PCDHGA12: variants seen among roughly 807,000 people sequenced by gnomAD.
PCDHGA12 encodes the protein protocadherin gamma subfamily A, 12.
Under a neutral mutation model 61.1 loss-of-function variants are expected in PCDHGA12, and 43 were observed. The observed-to-expected ratio is 0.70, with a 90% CI of 0.55 to 0.91. PCDHGA12 has a LOEUF of 0.91. Ranked by LOEUF, PCDHGA12 falls within the 40% of genes least tolerant of loss-of-function variation. PCDHGA12 has a pLI of 0.00. For missense variants in PCDHGA12, 1,236 were observed against 1,227.7 expected, an observed-to-expected ratio of 1.01 and a Z score of -0.10; for synonymous variants, 520 against 542.9, an observed-to-expected ratio of 0.96 and a Z score of 0.59.
chr5:141,439,042 A>C (rs2098084096), intron 1 of PCDHGA12, among the ~76,000 whole-genome samples: 1 of 151,642 alleles, frequency 6.6e-6, no homozygotes, highest in Non-Finnish European at 1.5e-5. Context: ...TCAGTTCATA[A>C]GATTTCCATA....
chr5:141,440,103 A>G (rs1391819927), intron 1 of PCDHGA12: 1 of 152,222 alleles, frequency 6.6e-6, no homozygotes, highest in Non-Finnish European at 1.5e-5. Flanking sequence ...GAAAGTGGAG[A>G]CTTACTTGTG....
At chr5:141,465,141 A>AT (rs1341872532) in intron 1 of PCDHGA12, among the ~76,000 whole-genome samples, 2 of 151,678 alleles carry the variant, frequency 1.3e-5, no homozygotes, top group Non-Finnish European at 2.9e-5. Flanking sequence ...AGTTTAGGGG[A>AT]TATATGAAGG....
At chr5:141,466,938 G>C (rs985959499) in intron 1 of PCDHGA12, among the ~76,000 whole-genome samples, 1 of 151,854 alleles carries the variant, frequency 6.6e-6, no homozygotes, top group Non-Finnish European at 1.5e-5. Context: ...TTAGTCCTTT[G>C]TCCAGTAAAC....
intron 1 of PCDHGA12, among the ~76,000 whole-genome samples, chr5:141,459,563 C>CAAAACAGAATT (rs1554142058): frequency 5.3e-5 from 8 of 152,044 alleles, no homozygotes; most frequent in Non-Finnish European, 2.9e-5. Context: ...ATAAATACCC[C>CAAAACAGAATT]AAAACAGAAT....
chr5:141,496,377 G>A (rs1413938730), intron 2 of PCDHGA12, among the ~76,000 whole-genome samples: 1 of 152,114 alleles, frequency 6.6e-6, no homozygotes, highest in Non-Finnish European at 1.5e-5. Flanking sequence ...CAGGAGCTTG[G>A]GCCACCTTAC....
At chr5:141,499,212 G>A (rs904920940) in intron 2 of PCDHGA12, among the ~76,000 whole-genome samples, 1 of 151,898 alleles carries the variant, frequency 6.6e-6, no homozygotes, top group African/African-American at 2.4e-5. Context: ...TGTAACCCAG[G>A]CCCTGCCCTG....
Position 141,485,156 on chromosome 5 carries a change from A to G in PCDHGA12, c.2425-9651A>G. The G allele has an allele frequency of 6.3e-7, 1 of 1,599,118 alleles. No homozygotes were observed. The highest frequency in any genetic ancestry group is 8.6e-7 in the Non-Finnish European group (1 of 1,168,318). On this transcript the variant is annotated intron_variant, in intron 1 of 3. Transcript: ENST00000252085. The surrounding 1 kb of genome is among the most constrained non-coding windows in gnomAD (Gnocchi z 5.7). ...ATCCGCGTCTCAGGAGCAAGTAGAG[A>G]ATTAGCGGGCGGCAGCAATGCTCCG... is the stretch of plus-strand genomic sequence containing the variant.
intron 1 of PCDHGA12, among the ~76,000 whole-genome samples, chr5:141,472,590 C>G (rs1161871973): frequency 6.6e-6 from 1 of 151,908 alleles, no homozygotes; most frequent in African/African-American, 2.4e-5. Flanking sequence ...GTCAGAAGCT[C>G]TCTTGAAATT....
Position 141,489,361 on chromosome 5 carries a change from C to A in PCDHGA12, c.2425-5446C>A. ...TTACTCAGTGGTGGAGGAGTCTGAG[C>A]CGGGGACGCTGGTGGGGAATGTTGC... On this transcript the variant is annotated intron_variant, in intron 1 of 3. Transcript: ENST00000252085. This position sits in a 1 kb window ranked among gnomAD's most constrained non-coding sequence, Gnocchi z 4.5. 1 of 1,612,880 alleles carries A rather than the reference C, an allele frequency of 6.2e-7. No individual in the cohort carries two copies. The highest frequency in any genetic ancestry group is 8.5e-7 in the Non-Finnish European group (1 of 1,179,164).
chr5:141,481,868 C>A (rs983373194), intron 1 of PCDHGA12, among the ~76,000 whole-genome samples: 4 of 147,412 alleles, frequency 2.7e-5, no homozygotes, highest in African/African-American at 1.0e-4. Flanking sequence ...GAGCCGAGAT[C>A]GCGCCACTGC....
intron 1 of PCDHGA12, among the ~76,000 whole-genome samples, chr5:141,443,070 T>C (rs983773796): frequency 6.6e-6 from 1 of 152,244 alleles, no homozygotes; most frequent in African/African-American, 2.4e-5. Flanking sequence ...GAGCGTCTTA[T>C]GACTGAGTGT....
In PCDHGA12 at chr5:141,491,492, T is replaced by G. The variant is rs763487622; in HGVS notation, c.2425-3315T>G. On this transcript the variant is annotated intron_variant, in intron 1 of 3. Coordinates refer to ENST00000252085, the MANE Select transcript of PCDHGA12 (RefSeq NM_003735.3). This position sits in a 1 kb window ranked among gnomAD's most constrained non-coding sequence, Gnocchi z 6.9. ...AAGCAGTCCAGCCCCAACCTGCAGG[T>G]GAGCTCGGACGGCACGCTCAAGTAC... 3.1e-6 allele frequency: 5 copies of G among 1,614,024 alleles called. No homozygotes were observed. The highest frequency in any genetic ancestry group is 3.4e-6 in the Non-Finnish European group (4 of 1,180,006).
chr5:141,447,481 A>G lies in PCDHGA12; in HGVS notation c.2424+14298A>G, dbSNP rs141192758. 3.9e-3 allele frequency among the ~76,000 whole-genome samples: 591 copies of G among 152,326 alleles called. 6 individuals carry two copies. The highest frequency in any genetic ancestry group is 0.011 in the Admixed American group (170 of 15,286). ...TTTTCTTCACCATCTGTAAAACTGC[A>G]TAGAAGGAATGTTTAGGATAAAAGA... On this transcript the variant is annotated intron_variant, in intron 1 of 3. Transcript: ENST00000252085.
At chr5:141,459,714 T>C (rs1240430980) in intron 1 of PCDHGA12, among the ~76,000 whole-genome samples, 4 of 152,244 alleles carry the variant, frequency 2.6e-5, no homozygotes, top group Admixed American at 6.5e-5. Flanking sequence ...TTCTCACCAA[T>C]GCTTCCTATT....
At position 141,477,626 on chromosome 5, in the gene PCDHGA12, G is replaced by A. The variant is rs201987467; in HGVS notation, c.2425-17181G>A. The A allele has an allele frequency of 1.9e-5, 31 of 1,614,052 alleles. No individual in the cohort carries two copies. The highest frequency in any genetic ancestry group is 2.5e-5 in the Non-Finnish European group (30 of 1,180,044). Reference sequence around the variant, plus strand: ...TCTCTTGGAGCAAGGAGCTGAAACCGGGCTAGTGGGTCGCTATTTCACAAT... The same window carrying A: ...TCTCTTGGAGCAAGGAGCTGAAACCAGGCTAGTGGGTCGCTATTTCACAAT... On this transcript the variant is annotated intron_variant, in intron 1 of 3. Transcript: ENST00000252085. This position sits in a 1 kb window ranked among gnomAD's most constrained non-coding sequence, Gnocchi z 4.9.
rs1290674122 is a variant in PCDHGA12 at position 141,489,521 on chromosome 5, G to A, written c.2425-5286G>A. 3 of 1,613,988 alleles carry A rather than the reference G, an allele frequency of 1.9e-6. No individual in the cohort carries two copies. The highest frequency in any genetic ancestry group is 2.2e-5 in the East Asian group (1 of 44,886). On this transcript the variant is annotated intron_variant, in intron 1 of 3. Coordinates refer to ENST00000252085, the MANE Select transcript of PCDHGA12 (RefSeq NM_003735.3). This position sits in a 1 kb window ranked among gnomAD's most constrained non-coding sequence, Gnocchi z 4.5. ...GTGAATCAAAAGATTGACCGAGAAAGCCTATGTGGAGCCAGCACCAGCTGC... is the reference window on the plus strand; with the variant it reads ...GTGAATCAAAAGATTGACCGAGAAAACCTATGTGGAGCCAGCACCAGCTGC...
Position 141,491,415 on chromosome 5 carries a change from G to GGGT in PCDHGA12, c.2425-3389_2425-3387dup. 1 of 1,614,126 alleles carries GGGT rather than the reference G, an allele frequency of 6.2e-7. No individual in the cohort carries two copies. Among genetic ancestry groups the GGGT allele is most frequent in the Non-Finnish European group, 8.5e-7 (1 of 1,180,034 alleles). ...TTCAGGGAAACGCAGACGGGGACGG[G>GGGT]GGTGGAGGGCAGTGCTGCAGGCGCC... On this transcript the variant is annotated intron_variant, in intron 1 of 3. Transcript: ENST00000252085. The surrounding 1 kb of genome is among the most constrained non-coding windows in gnomAD (Gnocchi z 6.9).
At position 141,430,753 on chromosome 5, in the gene PCDHGA12, G is replaced by C. The variant is rs1175014357; in HGVS notation, c.-7G>C. ...AGAATTGAAAATAATTCTGGAGGAA[G>C]ATAAGAATGATTCCTGCGCGACTGC... On this transcript the variant is annotated 5_prime_UTR_variant, in exon 1 of 4. Transcript: ENST00000252085. 1 of 1,504,258 alleles carries C rather than the reference G, an allele frequency of 6.6e-7. No homozygotes were observed. The allele number at this position is 1,504,258 out of a possible 1,614,324, so 93.2% of individuals were successfully genotyped here. A position where few individuals can be genotyped will look rare whatever the true frequency, so the allele number is the denominator to read the frequency against.
At chr5:141,478,519 G>A in intron 1 of PCDHGA12, 2 of 1,610,728 alleles carry the variant, frequency 1.2e-6, no homozygotes, top group Non-Finnish European at 1.7e-6. Context: ...GGCAGGTGTT[G>A]GGTGCAGAGA....
Sources: allele counts gnomAD v4.1 joint callset (sites outside exome capture counted in the v4.1 genomes callset), GRCh38; gene constraint gnomAD v4.1.1; non-coding constraint Gnocchi (gnomAD v3.1); transcripts MANE v1.5; gene names NCBI Gene and HGNC (gene_info 2026-07-23, HGNC 2026-07-21).